The following LYZL4 variants were observed in gnomAD, a reference collection of about 807,000 sequenced individuals.
The protein encoded by LYZL4 is lysozyme-like protein 4.
LYZL4 carries 13 observed loss-of-function variants against 17.6 expected under a neutral mutation model. That is an observed-to-expected ratio of 0.74 (90% CI 0.48 to 1.18). The LOEUF (loss-of-function observed/expected upper bound fraction) is 1.18. Ranked by LOEUF, LYZL4 falls within the 50% of genes most tolerant of loss-of-function variation. The pLI is 0.00. For missense variants in LYZL4, 174 were observed against 188.2 expected, an observed-to-expected ratio of 0.92 and a Z score of 0.44; for synonymous variants, 64 against 67.7, an observed-to-expected ratio of 0.95 and a Z score of 0.27.
At chr3:42,402,566 A>C (rs1255620361) in intron 4 of LYZL4, among the ~76,000 whole-genome samples, 1 of 152,230 alleles carries the variant, frequency 6.6e-6, no homozygotes, top group Non-Finnish European at 1.5e-5. Context: ...AATGCAGAGT[A>C]AAACCATAAT....
chr3:42,367,322 C>A, the LYZL4 span, among the ~76,000 whole-genome samples: 1 of 152,150 alleles, frequency 6.6e-6, no homozygotes, highest in African/African-American at 2.4e-5. Context: ...GACACTTGGG[C>A]CCCTCCAAGA....
At chr3:42,375,307 A>T in the LYZL4 span, among the ~76,000 whole-genome samples, 7 of 152,274 alleles carry the variant, frequency 4.6e-5, no homozygotes, top group African/African-American at 1.7e-4. Context: ...TGTTATTGTG[A>T]CATCCAGCAA....
At chr3:42,373,318 C>T in the LYZL4 span, among the ~76,000 whole-genome samples, 43 of 152,272 alleles carry the variant, frequency 2.8e-4, no homozygotes, top group African/African-American at 9.9e-4. Flanking sequence ...GGGTCCTGGA[C>T]ATTTGTCATC....
the LYZL4 span, among the ~76,000 whole-genome samples, chr3:42,362,117 C>T: frequency 6.6e-6 from 1 of 152,078 alleles, no homozygotes; most frequent in African/African-American, 2.4e-5. Context: ...ACTGAATAAA[C>T]AGAGAACCAT....
chr3:42,370,685 G>A, the LYZL4 span, among the ~76,000 whole-genome samples: 4 of 152,148 alleles, frequency 2.6e-5, no homozygotes, highest in South Asian at 2.1e-4. Context: ...TACATGTCCC[G>A]ATACTTGTAT....
the LYZL4 span, among the ~76,000 whole-genome samples, chr3:42,384,858 T>C: frequency 9.2e-5 from 14 of 152,250 alleles, no homozygotes; most frequent in Admixed American, 4.6e-4. Context: ...AGGCAAACCC[T>C]GATTTCACAC....
chr3:42,393,607 G>T (rs1232901679), downstream of LYZL4, among the ~76,000 whole-genome samples: 1 of 152,206 alleles, frequency 6.6e-6, no homozygotes, highest in Non-Finnish European at 1.5e-5. Context: ...CGATCCCTGT[G>T]ACTTCCGACA....
chr3:42,380,914 T>C, the LYZL4 span, among the ~76,000 whole-genome samples: 1 of 152,250 alleles, frequency 6.6e-6, no homozygotes, highest in African/African-American at 2.4e-5. Context: ...GCCATGTTAT[T>C]GGCTTTGGCC....
chr3:42,384,535 T>C, the LYZL4 span, among the ~76,000 whole-genome samples: 1 of 152,170 alleles, frequency 6.6e-6, no homozygotes, highest in African/African-American at 2.4e-5. Flanking sequence ...ACCCAATGAA[T>C]CTGAACATCC....
At chr3:42,361,431 G>T in the LYZL4 span, among the ~76,000 whole-genome samples, 1 of 152,142 alleles carries the variant, frequency 6.6e-6, no homozygotes, top group African/African-American at 2.4e-5. Flanking sequence ...CAGAAGAGAG[G>T]TGAAAGACTT....
At chr3:42,361,985 T>C in the LYZL4 span, among the ~76,000 whole-genome samples, 1 of 152,222 alleles carries the variant, frequency 6.6e-6, no homozygotes, top group Non-Finnish European at 1.5e-5. Flanking sequence ...ATTAAAAGAA[T>C]TTTAACTAAT....
chr3:42,383,060 C>G, the LYZL4 span, among the ~76,000 whole-genome samples: 109 of 152,302 alleles, frequency 7.2e-4, no homozygotes, highest in African/African-American at 2.5e-3. Context: ...GCTTGTCCCC[C>G]ACTACTCTAG....
At chr3:42,366,671 C>A in the LYZL4 span, among the ~76,000 whole-genome samples, 1 of 152,240 alleles carries the variant, frequency 6.6e-6, no homozygotes, top group African/African-American at 2.4e-5. Context: ...ACACTTCCAT[C>A]CCAGCAGCCA....
the LYZL4 span, among the ~76,000 whole-genome samples, chr3:42,380,929 G>C: frequency 6.6e-6 from 1 of 152,220 alleles, no homozygotes; most frequent in Admixed American, 6.5e-5. Flanking sequence ...TTGGCCAATG[G>C]AATGTTAGCC....
chr3:42,402,689 C>T (rs1457384089), intron 4 of LYZL4, among the ~76,000 whole-genome samples: 1 of 152,224 alleles, frequency 6.6e-6, no homozygotes, highest in Non-Finnish European at 1.5e-5. Context: ...ATAAAAATCT[C>T]TTTAGAAAAC....
chr3:42,378,588 C>T, the LYZL4 span, among the ~76,000 whole-genome samples: 39 of 152,258 alleles, frequency 2.6e-4, no homozygotes, highest in South Asian at 7.0e-3. Context: ...ATTGCATTGT[C>T]CCTGTATGTA....
chr3:42,375,672 C>T, the LYZL4 span, among the ~76,000 whole-genome samples: 1 of 152,108 alleles, frequency 6.6e-6, no homozygotes, highest in Non-Finnish European at 1.5e-5. Flanking sequence ...ATAAGGAGAA[C>T]ACATTCATGA....
At chr3:42,373,955 T>C in the LYZL4 span, among the ~76,000 whole-genome samples, 1 of 152,104 alleles carries the variant, frequency 6.6e-6, no homozygotes, top group Non-Finnish European at 1.5e-5. Context: ...GTAAGGATAA[T>C]GAAATGAAAA....
downstream of LYZL4, among the ~76,000 whole-genome samples, chr3:42,392,878 T>C (rs994478593): frequency 5.3e-5 from 8 of 152,070 alleles, no homozygotes; most frequent in East Asian, 3.9e-4. Flanking sequence ...TTACTAGTAA[T>C]GGCAAGGCTG....
Sources: gnomAD v4.1 joint callset for allele counts (sites outside exome capture counted in the v4.1 genomes callset) on GRCh38, gnomAD v4.1.1 for gene constraint, MANE v1.5 for transcripts, NCBI Gene and HGNC (gene_info 2026-07-23, HGNC 2026-07-21) for gene names.